The following RBM27 variants were observed in gnomAD, a reference collection of about 807,000 sequenced individuals.
The protein encoded by RBM27 is RNA-binding protein 27.
A neutral mutation model predicts 135.3 loss-of-function variants in RBM27; 22 were observed. That is an observed-to-expected ratio of 0.16 (90% CI 0.12 to 0.23). The LOEUF is 0.23. Ranked by LOEUF, RBM27 falls within the 10% of genes least tolerant of loss-of-function variation. The probability of loss-of-function intolerance (pLI) is 1.00; values close to 1 mark genes in which losing one functional copy is unlikely to be tolerated. For missense variants in RBM27, 1,009 were observed against 1,281.0 expected (o/e 0.79, Z 3.24); for synonymous variants, 481 against 442.4 (o/e 1.09, Z -1.10).
At chr5:146,259,065 A>G (rs1361615790) in intron 11 of RBM27, among the ~76,000 whole-genome samples, 1 of 152,106 alleles carries the variant, frequency 6.6e-6, no homozygotes, top group Non-Finnish European at 1.5e-5. Context: ...CCAGCCCAAA[A>G]TAGGTATTTC....
chr5:146,225,909 G>A (rs1228259306), intron 3 of RBM27, among the ~76,000 whole-genome samples: 5 of 151,916 alleles, frequency 3.3e-5, no homozygotes, highest in African/African-American at 1.2e-4. Context: ...GTCACCCAGG[G>A]TGGAGTGCGG....
At chr5:146,256,394 T>C (rs1205866014) in intron 10 of RBM27, among the ~76,000 whole-genome samples, 1 of 149,564 alleles carries the variant, frequency 6.7e-6, no homozygotes, top group African/African-American at 2.4e-5. Flanking sequence ...CTGTCACCTA[T>C]GCTGGAATGC....
chr5:146,218,964 G>A (rs1458829842), intron 1 of RBM27, 21 bp from the exon 2 acceptor site: 2 of 1,506,564 alleles, frequency 1.3e-6, no homozygotes, highest in African/African-American at 2.8e-5. Context: ...TAAAATTTTT[G>A]TTTTCTCTTT....
chr5:146,221,691 C>G (rs1168498970), intron 2 of RBM27, among the ~76,000 whole-genome samples: 1 of 152,172 alleles, frequency 6.6e-6, no homozygotes, highest in African/African-American at 2.4e-5. Context: ...CTCGGCCTCC[C>G]AAAGTGCTGG....
intron 3 of RBM27, among the ~76,000 whole-genome samples, chr5:146,227,754 T>C (rs1275025715): frequency 6.6e-6 from 1 of 152,062 alleles, no homozygotes; most frequent in Non-Finnish European, 1.5e-5. Flanking sequence ...AACAAAAGAA[T>C]AAAATAAAAA....
At chr5:146,244,843 AC>A (rs1757553668) in intron 8 of RBM27, among the ~76,000 whole-genome samples, 1 of 152,024 alleles carries the variant, frequency 6.6e-6, no homozygotes, top group African/African-American at 2.4e-5. Context: ...TGCCCAGCTT[AC>A]CCCAATTTTA....
intron 1 of RBM27, among the ~76,000 whole-genome samples, chr5:146,208,246 G>A (rs1229654094): frequency 6.6e-6 from 1 of 152,150 alleles, no homozygotes; most frequent in East Asian, 1.9e-4. Context: ...GAGCCACTGC[G>A]CCCGGCCAAC....
chr5:146,231,048 G>GCAAGAC, intron 6 of RBM27, 131 bp downstream of exon 6: 1 of 1,130,478 alleles, frequency 8.8e-7, no homozygotes, highest in Non-Finnish European at 1.2e-6. Context: ...TTGAGACAGA[G>GCAAGAC]TCTTGCTCTG....
chr5:146,203,704 C>G lies in RBM27; in HGVS notation c.-62C>G. 1 of 1,447,400 alleles carries G rather than the reference C, an allele frequency of 6.9e-7. No individual in the cohort carries two copies. The highest frequency in any genetic ancestry group is 9.5e-7 in the Non-Finnish European group (1 of 1,053,646). 89.7% of individuals were successfully genotyped at this position (1,447,400 alleles called of 1,614,324 possible). ...CTGTGAAGGGAACGTGAGGGGGCGG[C>G]GTAGTGGAGACCCACGGCAGGCCTG... On this transcript the variant is annotated 5_prime_UTR_variant, in exon 1 of 21. Coordinates refer to ENST00000265271, the MANE Select transcript of RBM27 (RefSeq NM_018989.2).
At chr5:146,204,850 T>C (rs930842044) in intron 1 of RBM27, among the ~76,000 whole-genome samples, 1 of 152,058 alleles carries the variant, frequency 6.6e-6, no homozygotes, top group Admixed American at 6.6e-5. Flanking sequence ...TTAGTAGAAA[T>C]GTTATTGGGA....
chr5:146,209,310 C>T (rs1755838004), intron 1 of RBM27, among the ~76,000 whole-genome samples: 1 of 152,134 alleles, frequency 6.6e-6, no homozygotes, highest in Non-Finnish European at 1.5e-5. Flanking sequence ...ACAAGACAGA[C>T]TAGAGTCTCA....
intron 8 of RBM27, among the ~76,000 whole-genome samples, chr5:146,250,130 C>T (rs1757819119): frequency 6.6e-6 from 1 of 152,008 alleles, no homozygotes; most frequent in South Asian, 2.1e-4. Context: ...AGGAATTTTA[C>T]AGCTTTTAAG....
At chr5:146,279,456 AAAAC>A (rs1322567311) in intron 19 of RBM27, among the ~76,000 whole-genome samples, 2 of 150,602 alleles carry the variant, frequency 1.3e-5, no homozygotes, top group Admixed American at 6.6e-5. Flanking sequence ...AAAAAACAAA[AAAAC>A]AAAAAAAAAA....
chr5:146,209,248 G>T (rs1755835460), intron 1 of RBM27, among the ~76,000 whole-genome samples: 2 of 152,060 alleles, frequency 1.3e-5, no homozygotes, highest in African/African-American at 2.4e-5. Context: ...AAAGTATTTT[G>T]CTTATTAATG....
rs1446258630 is a variant in RBM27 at position 146,259,801 on chromosome 5, G to A, written c.1740-944G>A. ...ATCCTGGCTAACAAGGTGAAACCCC[G>A]TGTCTACTAAAAATACAAAAAATTA... On this transcript the variant is annotated intron_variant, in intron 11 of 20. Transcript: ENST00000265271. Among the ~76,000 whole-genome samples, 5 of 148,006 alleles carry A rather than the reference G, an allele frequency of 3.4e-5. No homozygotes were observed. In the South Asian group the frequency reaches 1.1e-3, roughly 31 times the overall value.
At chr5:146,206,650 A>G (rs557954219) in intron 1 of RBM27, among the ~76,000 whole-genome samples, 1 of 152,026 alleles carries the variant, frequency 6.6e-6, no homozygotes, top group East Asian at 1.9e-4. Context: ...GTGCAATCTC[A>G]GGTCACTGAA....
At chr5:146,279,563 T>C (rs1407399819) in intron 19 of RBM27, among the ~76,000 whole-genome samples, 1 of 151,982 alleles carries the variant, frequency 6.6e-6, no homozygotes. Context: ...ATCACAGCAC[T>C]TTGGGAGGCC....
intron 11 of RBM27, among the ~76,000 whole-genome samples, chr5:146,259,457 T>A (rs1487080589): frequency 1.4e-5 from 2 of 142,822 alleles, no homozygotes; most frequent in South Asian, 4.4e-4. Flanking sequence ...TGAGTTGAGA[T>A]TGCACCATTG....
At chr5:146,269,348 C>T in intron 16 of RBM27, 67 bp downstream of exon 16, 1 of 1,476,220 alleles carries the variant, frequency 6.8e-7, no homozygotes, top group South Asian at 1.3e-5. Context: ...AAGTATTATT[C>T]ATAATTTTTA....
Sources: allele counts gnomAD v4.1 joint callset (sites outside exome capture counted in the v4.1 genomes callset), GRCh38; gene constraint gnomAD v4.1.1; transcripts MANE v1.5; gene names NCBI Gene and HGNC (gene_info 2026-07-23, HGNC 2026-07-21).